PKD1: variants seen among roughly 807,000 people sequenced by gnomAD.
PKD1 encodes the protein polycystin-1.
A neutral mutation model predicts 361.7 loss-of-function variants in PKD1; 81 were observed. The observed-to-expected ratio is 0.22, with a 90% CI of 0.19 to 0.27. The LOEUF (loss-of-function observed/expected upper bound fraction) is 0.27, where lower values mean the gene tolerates loss of function less well. PKD1 is among the 10% of genes least tolerant of loss of function. The probability of loss-of-function intolerance (pLI) is 1.00; values close to 1 mark genes in which losing one functional copy is unlikely to be tolerated. For synonymous variants in PKD1, 3,615 were observed against 2,818.3 expected (o/e 1.28, Z -8.95); for missense variants, 6,399 against 6,118.3 (o/e 1.05, Z -1.53).
intron 1 of PKD1, among the ~76,000 whole-genome samples, chr16:2,132,829 C>T (rs1252203779): frequency 2.0e-5 from 3 of 149,722 alleles, no homozygotes; most frequent in Non-Finnish European, 3.0e-5. Context: ...TGCCTGTAAT[C>T]CCAGCACTTT....
At chr16:2,126,330 G>C (rs1032676089) in intron 1 of PKD1, among the ~76,000 whole-genome samples, 1 of 152,272 alleles carries the variant, frequency 6.6e-6, no homozygotes, top group African/African-American at 2.4e-5. Flanking sequence ...TTCTGAGGTG[G>C]CCTCACAGAA....
At chr16:2,123,895 C>T (rs2432392) in intron 1 of PKD1, among the ~76,000 whole-genome samples, 1 of 152,046 alleles carries the variant, frequency 6.6e-6, no homozygotes, top group African/African-American at 2.4e-5. Flanking sequence ...CCAAGCTTGT[C>T]GGGAGGAGTA....
In PKD1 at chr16:2,103,166, A is replaced by G. The variant is rs1337096228; in HGVS notation, c.8791+100T>C. 7 of 1,402,012 alleles carry G rather than the reference A, an allele frequency of 5.0e-6. No homozygotes were observed. The Admixed American group carries it at 1.4e-4, about 28-fold the overall frequency. 86.8% of individuals were successfully genotyped at this position (1,402,012 alleles called of 1,614,324 possible). ...GCCCCCAGCAGCCCATGAAACAGAA[A>G]GCAAATTTCACCAGAGACACCCATG... is the stretch of plus-strand genomic sequence containing the variant. On this transcript the variant is annotated intron_variant, in intron 23 of 45. Coordinates refer to ENST00000262304, the MANE Select transcript of PKD1 (RefSeq NM_001009944.3).
chr16:2,108,452 T>C lies in PKD1; in HGVS notation c.6715A>G (p.Thr2239Ala). Residue 2239 changes from threonine (T) to alanine (A), a missense_variant, in exon 15 of 46, where the codon ACG (threonine) becomes GCG (alanine). By Grantham distance (58) the Thr-to-Ala change is moderately conservative (BLOSUM62 0). Coordinates refer to ENST00000262304, the MANE Select transcript of PKD1 (RefSeq NM_001009944.3). ...CFVFVVSFGD[T>A]PLTQSIQANV... ...GCCTGGATGCTCTGTGTCAGTGGCG[T>C]GTCCCCAAATGACACGACAAACACA... 6.2e-7 allele frequency: 1 copy of C among 1,610,416 alleles called. No homozygotes were observed. Among genetic ancestry groups the C allele is most frequent in the Non-Finnish European group, 8.5e-7 (1 of 1,179,688 alleles).
rs1337320017 is a variant in PKD1, at chr16:2,106,765, G to T, written c.7209+40C>A. On this transcript the variant is annotated intron_variant, in intron 17 of 45. Coordinates refer to ENST00000262304, the MANE Select transcript of PKD1 (RefSeq NM_001009944.3). This position sits in a 1 kb window ranked among gnomAD's most constrained non-coding sequence, Gnocchi z 6.5. ...GCAGGCCCCGTCCCCTCGGCCATGG[G>T]ACCCATCCCCAGCCCGCCCACACCC... 4.7e-6 allele frequency: 7 copies of T among 1,503,092 alleles called. No individual in the cohort carries two copies. In the African/African-American group the frequency reaches 8.4e-5, roughly 18 times the overall value. 93.1% of individuals were successfully genotyped at this position (1,503,092 alleles called of 1,614,324 possible). A position where few individuals can be genotyped will look rare whatever the true frequency, so the allele number is the denominator to read the frequency against.
chr16:2,097,165 C>T lies in PKD1; in HGVS notation c.10482G>A (p.Thr3494=), dbSNP rs954166155. 11 of 1,553,012 alleles carry T rather than the reference C, an allele frequency of 7.1e-6. No homozygotes were observed. In the African/African-American group the frequency reaches 8.2e-5, roughly 12 times the overall value. The part of the protein sequence containing the change: ...PAPTQDTHME[T]DLLSSLSSTP... Reference sequence around the variant, plus strand: ...ACACTCACAGGCTGCTGAGCAGGTCCGTTTCCATGTGGGTGTCTTGGGTAG... The same window carrying T: ...ACACTCACAGGCTGCTGAGCAGGTCTGTTTCCATGTGGGTGTCTTGGGTAG... Residue 3494 remains threonine (T), a synonymous_variant, in exon 34 of 46, where the codon ACG becomes ACA. Transcript: ENST00000262304.
rs779030441 is a variant in PKD1, at chr16:2,110,626, G to A, written c.4541C>T (p.Thr1514Ile). 1 of 1,610,202 alleles carries A rather than the reference G, an allele frequency of 6.2e-7. No individual in the cohort carries two copies. The highest frequency in any genetic ancestry group is 1.1e-5 in the South Asian group (1 of 90,976). The stretch of plus-strand genomic sequence containing the variant: ...GTCACCTGTGCTGTTGTAAGCGTGG[G>A]TGACCTCCGGACCCTCGAGCCACCC... The part of the protein sequence containing the change: ...DGGWLEGPEV[T>I]HAYNSTGDFT... Residue 1514 changes from threonine to isoleucine, a missense_variant, in exon 15 of 46, where the codon ACC (threonine) becomes ATC (isoleucine). Transcript: ENST00000262304.
chr16:2,112,207 C>T (rs894269475), intron 14 of PKD1, 133 bp downstream of exon 14: 11 of 828,366 alleles, frequency 1.3e-5, no homozygotes, highest in East Asian at 7.9e-5. Flanking sequence ...CAGTAGGGGC[C>T]TAAGCCATCA....
At chr16:2,107,786 C>G (rs143545126) in intron 16 of PKD1, 97 bp downstream of exon 16, 3 of 1,126,156 alleles carry the variant, frequency 2.7e-6, no homozygotes, top group Non-Finnish European at 3.9e-6. Flanking sequence ...GAGGGGAGAG[C>G]GTGCGGCCTC....
chr16:2,117,342 G>C (rs898996883), intron 6 of PKD1, 147 bp downstream of exon 6: 1 of 634,220 alleles, frequency 1.6e-6, no homozygotes, highest in South Asian at 1.9e-5. Context: ...GAGCTGACAG[G>C]AACGGCCCCA....
Position 2,097,407 on chromosome 16 carries a change from C to A in PKD1, c.10317G>T (p.Arg3439=). 1 of 1,610,120 alleles carries A rather than the reference C, an allele frequency of 6.2e-7. No homozygotes were observed. The highest frequency in any genetic ancestry group is 2.2e-5 in the East Asian group (1 of 44,882). Residue 3439 remains arginine, a synonymous_variant, in exon 33 of 46, where the codon CGG becomes CGT. Transcript: ENST00000262304. ...GGCCCAGCCCATGGCCCGCCTGGCCCCGTGCCAGCTGCCGCAGATTGCTAC... is the reference window on the plus strand; with the variant it reads ...GGCCCAGCCCATGGCCCGCCTGGCCACGTGCCAGCTGCCGCAGATTGCTAC... ...IVGSNLRQLA[R]GQAGHGLGPE... is the part of the protein sequence containing the mutation.
In PKD1 at chr16:2,091,145, G is replaced by T. The variant is rs865778842; in HGVS notation, c.11742C>A (p.Phe3914Leu). 2 of 1,480,618 alleles carry T rather than the reference G, an allele frequency of 1.4e-6. No individual in the cohort carries two copies. The highest frequency in any genetic ancestry group is 1.8e-6 in the Non-Finnish European group (2 of 1,123,694). The allele number at this position is 1,480,618 out of a possible 1,614,324, so 91.7% of individuals were successfully genotyped here. A position where few individuals can be genotyped will look rare whatever the true frequency, so the allele number is the denominator to read the frequency against. ...SVCLLLFAVH[F>L]AVAEARTWHR... is the part of the protein sequence containing the mutation. ...GCCAAGTACGGGCCTCGGCCACGGCGAAGTGCACGGCGAACAGCAGCAGGC... is the reference window on the plus strand; with the variant it reads ...GCCAAGTACGGGCCTCGGCCACGGCTAAGTGCACGGCGAACAGCAGCAGGC... Residue 3914 changes from phenylalanine (F) to leucine (L), a missense_variant, in exon 43 of 46, where the codon TTC becomes TTA. By Grantham distance (22) the Phe-to-Leu change is conservative (BLOSUM62 0). Transcript: ENST00000262304.
At chr16:2,132,250 CAA>C (rs1242007495) in intron 1 of PKD1, among the ~76,000 whole-genome samples, 18 of 108,570 alleles carry the variant, frequency 1.7e-4, no homozygotes, top group South Asian at 2.8e-4. Context: ...AACTCCGTCT[CAA>C]AAAAAAAAAA....
rs2091671341 is a variant in PKD1, at chr16:2,093,072, A to G, written c.11038T>C (p.Phe3680Leu). Residue 3680 changes from phenylalanine (F) to leucine (L), a missense_variant, in exon 38 of 46, where the codon TTT (phenylalanine) becomes CTT (leucine). Transcript: ENST00000262304. Reference sequence around the variant, plus strand: ...CTGGCCAGCAGGGTCACCAGCAGAAAAAGCATGTACACCAGGAGGCTCTGG... The same window carrying G: ...CTGGCCAGCAGGGTCACCAGCAGAAGAAGCATGTACACCAGGAGGCTCTGG... Reference protein sequence around the residue: ...MLRSLLVYMLFLLVTLLASYG... With the variant: ...MLRSLLVYMLLLLVTLLASYG... 2 of 1,612,686 alleles carry G rather than the reference A, an allele frequency of 1.2e-6. No individual in the cohort carries two copies. Among genetic ancestry groups the G allele is most frequent in the African/African-American group, 1.3e-5 (1 of 74,904 alleles).
At chr16:2,107,015 A>C (rs2432401) in intron 16 of PKD1, 67 bp from the exon 17 acceptor site, 1 of 1,479,070 alleles carries the variant, frequency 6.8e-7, no homozygotes, top group Non-Finnish European at 9.3e-7. Context: ...TGGGGGACCC[A>C]TGGAGGATGC....
At chr16:2,112,198 A>C in intron 14 of PKD1, 142 bp downstream of exon 14, 1 of 781,620 alleles carries the variant, frequency 1.3e-6, no homozygotes, top group Admixed American at 2.0e-5. Flanking sequence ...CCCTCACCCC[A>C]GTAGGGGCCT....
Position 2,114,221 on chromosome 16 carries a change from G to A in PKD1, c.2802C>T (p.Gly934=), listed in dbSNP as rs770057593. Residue 934 remains glycine, a synonymous_variant, in exon 11 of 46, where the codon GGC becomes GGT. Transcript: ENST00000262304. ...LRVTAEEPIC[G]LRATPSPEAR... ...CCTCGGGGCTGGGCGTGGCGCGGAG[G>A]CCACAGATGGGCTCCTCCGCCGTCA... 13 of 1,609,730 alleles carry A rather than the reference G, an allele frequency of 8.1e-6. No individual in the cohort carries two copies. The South Asian group carries it at 1.1e-4, about 14-fold the overall frequency.
intron 20 of PKD1, 130 bp from the exon 21 acceptor site, chr16:2,105,604 A>T: frequency 6.3e-7 from 1 of 1,580,156 alleles, no homozygotes; most frequent in Non-Finnish European, 8.5e-7. Context: ...GACCCACAAC[A>T]CTGAGCTGTT....
At chr16:2,091,654 C>G in intron 41 of PKD1, 57 bp from the exon 42 acceptor site, 1 of 1,555,704 alleles carries the variant, frequency 6.4e-7, no homozygotes, top group South Asian at 1.2e-5. Flanking sequence ...CTGCGGGGAC[C>G]GCGCAGTGCA....
Sources: gnomAD v4.1 joint callset for allele counts (sites outside exome capture counted in the v4.1 genomes callset) on GRCh38, gnomAD v4.1.1 for gene constraint, Gnocchi (gnomAD v3.1) non-coding constraint, MANE v1.5 for transcripts, NCBI Gene and HGNC (gene_info 2026-07-23, HGNC 2026-07-21) for gene names.